TNRC6A: variants seen among roughly 807,000 people sequenced by gnomAD.
TNRC6A encodes the protein trinucleotide repeat-containing gene 6A protein.
In TNRC6A, 44 loss-of-function variants were observed where a neutral mutation model predicts 221.2. The ratio of observed to expected loss-of-function variants is 0.20; its 90% CI spans 0.16 to 0.26. The LOEUF (loss-of-function observed/expected upper bound fraction) is 0.26, where lower values mean the gene tolerates loss of function less well. TNRC6A is among the 10% of genes least tolerant of loss of function. The probability of loss-of-function intolerance (pLI) is 1.00; values close to 1 mark genes in which losing one functional copy is unlikely to be tolerated. For synonymous variants in TNRC6A, 847 were observed against 838.5 expected (o/e 1.01, Z -0.18); for missense variants, 2,199 against 2,404.4 (o/e 0.91, Z 1.79).
intron 6 of TNRC6A, 111 bp from the exon 7 acceptor site, chr16:24,793,362 A>G (rs1178161697): frequency 2.9e-6 from 2 of 688,850 alleles, no homozygotes; most frequent in South Asian, 5.9e-5. Context: ...TATTCAGTAC[A>G]TAAACATGAA....
chr16:24,666,665 A>T (rs1434420101), intron 2 of TNRC6A, among the ~76,000 whole-genome samples: 2 of 121,088 alleles, frequency 1.7e-5, no homozygotes, highest in Non-Finnish European at 3.3e-5. Flanking sequence ...AAAAAAAAAA[A>T]AAAATATATA....
intron 4 of TNRC6A, among the ~76,000 whole-genome samples, chr16:24,769,663 G>C (rs1296114056): frequency 6.6e-6 from 1 of 152,092 alleles, no homozygotes; most frequent in Non-Finnish European, 1.5e-5. Context: ...CCAGCTGTAG[G>C]TGTTTTTTAG....
At chr16:24,638,731 A>G (rs574519656) in intron 1 of TNRC6A, among the ~76,000 whole-genome samples, 1 of 152,234 alleles carries the variant, frequency 6.6e-6, no homozygotes, top group East Asian at 1.9e-4. Context: ...ACAAAAAACA[A>G]AAAACAAAAC....
intron 2 of TNRC6A, among the ~76,000 whole-genome samples, chr16:24,704,678 A>AAAAAG (rs1567372396): frequency 2.0e-5 from 3 of 148,618 alleles, no homozygotes; most frequent in Non-Finnish European, 4.5e-5. Flanking sequence ...AAAAAAAAAA[A>AAAAAG]AAAAAAAAAA....
At chr16:24,730,383 TC>T (rs1567397249) in intron 2 of TNRC6A, 83 bp downstream of exon 2, 3 of 1,507,386 alleles carry the variant, frequency 2.0e-6, no homozygotes, top group East Asian at 2.6e-5. Flanking sequence ...GTTGAGAAGT[TC>T]CCCCGTGACA....
chr16:24,666,651 A>G (rs2055170542), intron 2 of TNRC6A, among the ~76,000 whole-genome samples: 1 of 119,878 alleles, frequency 8.3e-6, no homozygotes, highest in African/African-American at 3.7e-5. Context: ...AAAAAAAAAA[A>G]AAAAAAAAAA....
intron 17 of TNRC6A, among the ~76,000 whole-genome samples, chr16:24,807,098 C>T (rs766862096): frequency 6.6e-6 from 1 of 151,806 alleles, no homozygotes; most frequent in Non-Finnish European, 1.5e-5. Context: ...CTCTGCCTCC[C>T]GGGTTCAAGC....
chr16:24,625,398 G>A (rs1440779417), intron 1 of TNRC6A, among the ~76,000 whole-genome samples: 1 of 152,162 alleles, frequency 6.6e-6, no homozygotes, highest in African/African-American at 2.4e-5. Context: ...CGGATCACAA[G>A]GTCAGGAGTT....
intron 2 of TNRC6A, among the ~76,000 whole-genome samples, chr16:24,721,324 C>T (rs960207568): frequency 1.3e-5 from 2 of 152,140 alleles, no homozygotes; most frequent in African/African-American, 4.8e-5. Context: ...ACTGTTCATA[C>T]CAGATTTACT....
upstream of TNRC6A, among the ~76,000 whole-genome samples, chr16:24,727,925 AT>A (rs963642486): frequency 4.2e-4 from 63 of 150,568 alleles, no homozygotes; most frequent in African/African-American, 5.6e-4. Context: ...TGTAAACCTG[AT>A]TTTTTTTTTC....
At chr16:24,655,174 G>A (rs1381564643) in intron 2 of TNRC6A, among the ~76,000 whole-genome samples, 1 of 152,086 alleles carries the variant, frequency 6.6e-6, no homozygotes, top group East Asian at 1.9e-4. Flanking sequence ...AGCCCAGGAG[G>A]TAGAGGCTAT....
chr16:24,809,546 A>G (rs1044067858), intron 18 of TNRC6A, 65 bp downstream of exon 18: 2 of 1,388,506 alleles, frequency 1.4e-6, no homozygotes, highest in Admixed American at 5.2e-5. Flanking sequence ...TACTAGATTT[A>G]GGCCTTTATT....
chr16:24,664,208 T>C (rs1023308204), intron 2 of TNRC6A, among the ~76,000 whole-genome samples: 1 of 151,956 alleles, frequency 6.6e-6, no homozygotes, highest in Non-Finnish European at 1.5e-5. Flanking sequence ...GGCGCTCACC[T>C]GTGATCCCAG....
At chr16:24,716,604 C>G (rs1328032228) in intron 2 of TNRC6A, among the ~76,000 whole-genome samples, 2 of 151,880 alleles carry the variant, frequency 1.3e-5, no homozygotes, top group East Asian at 3.9e-4. Context: ...GGGAGGTAGT[C>G]AAGGCTACCA....
rs2056395785 is a variant in TNRC6A at position 24,720,749 on chromosome 16, G to C, written n.403-29977G>C. On this transcript the variant is annotated intron_variant and non_coding_transcript_variant, in intron 2 of 2. Coordinates refer to the TNRC6A transcript ENST00000566108. Reference sequence around the variant, plus strand: ...AAAAAGAAAAAAGAAAAAGAATTAAGGCTGGGCTGGGCTCAGTGGCTCACG... The same window carrying C: ...AAAAAGAAAAAAGAAAAAGAATTAACGCTGGGCTGGGCTCAGTGGCTCACG... 3.4e-5 allele frequency among the ~76,000 whole-genome samples: 5 copies of C among 148,494 alleles called. No individual in the cohort carries two copies. The South Asian group carries it at 1.1e-3, about 32-fold the overall frequency.
At chr16:24,772,647 G>T (rs1025112522) in intron 4 of TNRC6A, among the ~76,000 whole-genome samples, 2 of 152,176 alleles carry the variant, frequency 1.3e-5, no homozygotes, top group African/African-American at 4.8e-5. Flanking sequence ...GCCGGGGCTG[G>T]TGGCACACAC....
At chr16:24,818,168 T>C (rs571945966) in intron 20 of TNRC6A, among the ~76,000 whole-genome samples, 1 of 152,318 alleles carries the variant, frequency 6.6e-6, no homozygotes, top group Admixed American at 6.5e-5. Flanking sequence ...CTGAAGGGCC[T>C]GTTCACTAGT....
intron 2 of TNRC6A, among the ~76,000 whole-genome samples, chr16:24,688,719 C>A (rs1037161398): frequency 6.6e-6 from 1 of 152,158 alleles, no homozygotes; most frequent in Non-Finnish European, 1.5e-5. Context: ...AGTGTAGAAG[C>A]TAGGCCAGCA....
chr16:24,633,685 G>A (rs766951737), intron 1 of TNRC6A, among the ~76,000 whole-genome samples: 2 of 152,144 alleles, frequency 1.3e-5, no homozygotes, highest in African/African-American at 2.4e-5. Context: ...GAGCCACTGT[G>A]CCCGGCTTTT....
Sources: allele counts gnomAD v4.1 joint callset (sites outside exome capture counted in the v4.1 genomes callset), GRCh38; gene constraint gnomAD v4.1.1; transcripts MANE v1.5; gene names NCBI Gene and HGNC (gene_info 2026-07-23, HGNC 2026-07-21).